Variants in RMST observed in about 807,000 individuals in gnomAD.
RMST encodes the protein long intergenic non-protein coding RNA 54.
chr12:97,563,185 T>C (rs1884256422), intron 13 of RMST: 1 of 152,544 alleles, frequency 6.6e-6, no homozygotes, highest in South Asian at 2.1e-4. Context: ...TTTCAGTGCA[T>C]AGTATTGTTT....
chr12:97,496,839 A>T (rs1877483072), intron 10 of RMST, among the ~76,000 whole-genome samples: 1 of 152,214 alleles, frequency 6.6e-6, no homozygotes, highest in South Asian at 2.1e-4. Context: ...GTTTGCATTG[A>T]CATTGAATGC....
At chr12:97,542,489 C>A (rs1477361678) in intron 11 of RMST, among the ~76,000 whole-genome samples, 1 of 151,866 alleles carries the variant, frequency 6.6e-6, no homozygotes, top group African/African-American at 2.4e-5. Flanking sequence ...GTTTTCTGTA[C>A]AGTGTGGTGT....
chr12:97,488,324 G>A (rs534709018), intron 5 of RMST, among the ~76,000 whole-genome samples: 178 of 152,292 alleles, frequency 1.2e-3, no homozygotes, highest in Non-Finnish European at 1.8e-3. Flanking sequence ...GTTGCAGCGA[G>A]GAACCTAGGT....
intron 5 of RMST, among the ~76,000 whole-genome samples, chr12:97,473,404 AT>A (rs1874167973): frequency 6.6e-6 from 1 of 152,044 alleles, no homozygotes; most frequent in African/African-American, 2.4e-5. Flanking sequence ...GGCTTGGTGG[AT>A]TTATTGGTGC....
intron 11 of RMST, among the ~76,000 whole-genome samples, chr12:97,559,988 A>G (rs1231220899): frequency 1.3e-5 from 2 of 152,182 alleles, no homozygotes; most frequent in Non-Finnish European, 2.9e-5. Flanking sequence ...TTTGGTGTCA[A>G]AACAGGATTT....
chr12:97,528,346 A>T (rs986613208), intron 10 of RMST, among the ~76,000 whole-genome samples: 4 of 152,126 alleles, frequency 2.6e-5, no homozygotes, highest in African/African-American at 9.7e-5. Context: ...ACTGCCTATG[A>T]TTAATTGCCA....
At chr12:97,533,859 C>G (rs937829979) in intron 11 of RMST, 1 of 151,718 alleles carries the variant, frequency 6.6e-6, no homozygotes, top group African/African-American at 2.4e-5. Flanking sequence ...AATTAAGAAG[C>G]CTGAGGTGCT....
chr12:97,497,070 A>G (rs931855518), intron 10 of RMST, among the ~76,000 whole-genome samples: 2 of 152,188 alleles, frequency 1.3e-5, no homozygotes, highest in Admixed American at 6.5e-5. Context: ...GAGTCTGCAC[A>G]TATCCCATCT....
At chr12:97,501,520 T>A (rs1240635925) in intron 10 of RMST, among the ~76,000 whole-genome samples, 8 of 152,200 alleles carry the variant, frequency 5.3e-5, no homozygotes, top group Non-Finnish European at 7.3e-5. Context: ...TTAATTAACA[T>A]TCTCACCCAC....
At chr12:97,485,124 T>G (rs190706032) in intron 5 of RMST, among the ~76,000 whole-genome samples, 2 of 152,348 alleles carry the variant, frequency 1.3e-5, no homozygotes, top group Admixed American at 1.3e-4. Flanking sequence ...GAAGTCATGC[T>G]GCATTTTTGA....
intron 11 of RMST, among the ~76,000 whole-genome samples, chr12:97,541,577 G>C (rs947880550): frequency 6.6e-6 from 1 of 151,518 alleles, no homozygotes; most frequent in African/African-American, 2.4e-5. Flanking sequence ...TATTAATAGG[G>C]CTTGTATGAA....
intron 11 of RMST, among the ~76,000 whole-genome samples, chr12:97,531,463 T>C (rs1881618132): frequency 6.6e-6 from 1 of 152,072 alleles, no homozygotes; most frequent in South Asian, 2.1e-4. Flanking sequence ...ATTTTCTTTT[T>C]ACTGTGATTT....
At chr12:97,524,207 A>T (rs1335222859) in intron 10 of RMST, among the ~76,000 whole-genome samples, 1 of 151,986 alleles carries the variant, frequency 6.6e-6, no homozygotes, top group African/African-American at 2.4e-5. Flanking sequence ...CACAACCACC[A>T]TCAGCAGCAG....
chr12:97,515,840 G>T (rs971009413), intron 10 of RMST, among the ~76,000 whole-genome samples: 1 of 152,052 alleles, frequency 6.6e-6, no homozygotes, highest in African/African-American at 2.4e-5. Context: ...TATTTGGCAT[G>T]GTTATGAAGA....
At chr12:97,496,005 G>A (rs577108254) in exon 10 of RMST, 10 of 152,284 alleles carry the variant, frequency 6.6e-5, no homozygotes, top group South Asian at 4.1e-4. Context: ...TGGGATTTAA[G>A]CTGACTAACA....
At chr12:97,488,008 G>T (rs1876307976) in intron 5 of RMST, among the ~76,000 whole-genome samples, 1 of 152,198 alleles carries the variant, frequency 6.6e-6, no homozygotes, top group Admixed American at 6.5e-5. Context: ...CACTCTGTGA[G>T]ACTTTCGGCA....
intron 10 of RMST, among the ~76,000 whole-genome samples, chr12:97,512,785 G>A (rs2136521943): frequency 6.6e-6 from 1 of 152,350 alleles, no homozygotes; most frequent in African/African-American, 2.4e-5. Flanking sequence ...CCCTGCGCCT[G>A]CACTCCTTAG....
At position 97,513,478 on chromosome 12, in the gene RMST, G is replaced by A. The variant is rs563860054; in HGVS notation, n.1341-17177G>A. Among the ~76,000 whole-genome samples the A allele has an allele frequency of 1.4e-4, 22 of 152,264 alleles. 1 individual carries two copies. Among genetic ancestry groups the A allele is most frequent in the Middle Eastern group, 3.4e-3 (1 of 294 alleles). ...TGAGTAGAGTGCCTACTATGTGCTC[G>A]ATGTTGAAGATGGAGAGGGAGAGTC... On this transcript the variant is annotated intron_variant and non_coding_transcript_variant, in intron 10 of 13. Transcript: ENST00000640149.
At chr12:97,543,373 A>G (rs1268773639) in intron 11 of RMST, among the ~76,000 whole-genome samples, 1 of 151,940 alleles carries the variant, frequency 6.6e-6, no homozygotes, top group African/African-American at 2.4e-5. Context: ...ACTTTATACC[A>G]TAGAGTTGTT....
Sources: allele counts gnomAD v4.1 joint callset (sites outside exome capture counted in the v4.1 genomes callset), GRCh38; gene constraint gnomAD v4.1.1; transcripts MANE v1.5; gene names NCBI Gene and HGNC (gene_info 2026-07-23, HGNC 2026-07-21).